Variants in WWOX observed in about 807,000 individuals in gnomAD.
The protein encoded by WWOX is WW domain-containing oxidoreductase.
Under a neutral mutation model 46.2 loss-of-function variants are expected in WWOX, and 69 were observed. The observed-to-expected ratio is 1.49, with a 90% CI of 1.23 to 1.82. The LOEUF (loss-of-function observed/expected upper bound fraction) is 1.82, where lower values mean the gene tolerates loss of function less well. Ranked by LOEUF, WWOX falls within the 40% of genes most tolerant of loss-of-function variation. The pLI, the probability that WWOX is intolerant of heterozygous loss-of-function variation, is 0.00. For synonymous variants in WWOX, 359 were observed against 202.6 expected, an observed-to-expected ratio of 1.77 and a Z score of -6.56; for missense variants, 919 against 542.6, an observed-to-expected ratio of 1.69 and a Z score of -6.89.
At chr16:78,524,256 A>G (rs956790478) in intron 8 of WWOX, among the ~76,000 whole-genome samples, 3 of 152,198 alleles carry the variant, frequency 2.0e-5, no homozygotes, top group African/African-American at 7.2e-5. Flanking sequence ...GACTAATATT[A>G]GAAGCAGACA....
intron 8 of WWOX, chr16:78,551,674 C>T (rs750209575): frequency 2.9e-5 from 4 of 137,884 alleles, no homozygotes; most frequent in Non-Finnish European, 4.7e-5. Flanking sequence ...CGCCCCGTTT[C>T]TCAGATCACA....
intron 8 of WWOX, among the ~76,000 whole-genome samples, chr16:79,167,213 A>G (rs1390027923): frequency 1.3e-5 from 2 of 152,226 alleles, no homozygotes; most frequent in African/African-American, 2.4e-5. Context: ...AAATGCTGGG[A>G]TAACAGGCAT....
chr16:78,541,365 T>G (rs958230827), intron 8 of WWOX, among the ~76,000 whole-genome samples: 6 of 147,220 alleles, frequency 4.1e-5, no homozygotes, highest in Non-Finnish European at 9.0e-5. Flanking sequence ...TCCCAGCTAC[T>G]TGGGAGGCTG....
chr16:78,529,677 C>G (rs531164890), intron 8 of WWOX, among the ~76,000 whole-genome samples: 7 of 151,950 alleles, frequency 4.6e-5, no homozygotes, highest in Admixed American at 1.3e-4. Context: ...CCGTGTTAGG[C>G]AGGATGGTCT....
chr16:78,881,281 G>A (rs779564522), intron 8 of WWOX, among the ~76,000 whole-genome samples: 3 of 152,186 alleles, frequency 2.0e-5, no homozygotes, highest in Non-Finnish European at 4.4e-5. Flanking sequence ...TAGGGTTACA[G>A]GCATGAGCCA....
At chr16:78,549,959 G>C (rs2044136459) in intron 8 of WWOX, among the ~76,000 whole-genome samples, 1 of 151,914 alleles carries the variant, frequency 6.6e-6, no homozygotes, top group Non-Finnish European at 1.5e-5. Context: ...CAGGAGAGGA[G>C]GACTGAAAAT....
chr16:78,175,342 C>A (rs1046040156), intron 5 of WWOX, among the ~76,000 whole-genome samples: 15 of 152,202 alleles, frequency 9.9e-5, no homozygotes, highest in Non-Finnish European at 1.6e-4. Flanking sequence ...GTTTTAAAGT[C>A]TGTCCACAAA....
At chr16:78,914,285 A>G (rs963609320) in intron 8 of WWOX, among the ~76,000 whole-genome samples, 2 of 151,998 alleles carry the variant, frequency 1.3e-5, no homozygotes, top group Non-Finnish European at 2.9e-5. Flanking sequence ...CCCATGAACT[A>G]TTAGCTGCCA....
At chr16:79,156,507 A>C (rs1453586972) in intron 8 of WWOX, among the ~76,000 whole-genome samples, 2 of 152,202 alleles carry the variant, frequency 1.3e-5, no homozygotes, top group African/African-American at 2.4e-5. Flanking sequence ...GGTGGGTTCA[A>C]ATTTGCCACA....
intron 8 of WWOX, among the ~76,000 whole-genome samples, chr16:78,745,040 G>C (rs546003956): frequency 6.6e-6 from 1 of 152,252 alleles, no homozygotes; most frequent in African/African-American, 2.4e-5. Context: ...GTTGGCCAGT[G>C]ACGCCTGCCA....
At chr16:78,150,608 C>G (rs767566777) in intron 4 of WWOX, among the ~76,000 whole-genome samples, 1 of 151,764 alleles carries the variant, frequency 6.6e-6, no homozygotes, top group African/African-American at 2.4e-5. Context: ...GTCTTGAACT[C>G]CTCAGCTCAA....
chr16:78,218,334 C>T (rs375130529), intron 5 of WWOX, among the ~76,000 whole-genome samples: 9 of 152,228 alleles, frequency 5.9e-5, no homozygotes, highest in Admixed American at 2.0e-4. Context: ...AAGCAGTCCT[C>T]CTCCAGCCTC....
At chr16:79,153,062 G>T (rs1456713973) in intron 8 of WWOX, among the ~76,000 whole-genome samples, 5 of 152,172 alleles carry the variant, frequency 3.3e-5, no homozygotes, top group African/African-American at 9.7e-5. Flanking sequence ...CGGAGGCCTG[G>T]TTTCTGTGAA....
intron 8 of WWOX, among the ~76,000 whole-genome samples, chr16:78,941,856 G>T (rs1163778049): frequency 6.6e-6 from 1 of 152,068 alleles, no homozygotes; most frequent in Non-Finnish European, 1.5e-5. Context: ...TTGTAATCAT[G>T]GTGGTTCTTT....
intron 5 of WWOX, among the ~76,000 whole-genome samples, chr16:78,365,798 C>G (rs1162248040): frequency 1.3e-5 from 2 of 152,132 alleles, no homozygotes; most frequent in Non-Finnish European, 2.9e-5. Flanking sequence ...TATGGCTCCC[C>G]CCACCAAATT....
chr16:78,909,265 A>T (rs2045047005), intron 8 of WWOX, among the ~76,000 whole-genome samples: 1 of 152,226 alleles, frequency 6.6e-6, no homozygotes, highest in Non-Finnish European at 1.5e-5. Context: ...TGTACAGTCA[A>T]CATTAAGAGA....
chr16:78,912,507 C>T (rs919595364), intron 8 of WWOX, among the ~76,000 whole-genome samples: 1 of 151,824 alleles, frequency 6.6e-6, no homozygotes, highest in East Asian at 1.9e-4. Flanking sequence ...TGCTGGTGAT[C>T]AAGAAATGCC....
At chr16:79,122,206 G>A (rs1463166979) in intron 8 of WWOX, among the ~76,000 whole-genome samples, 1 of 152,082 alleles carries the variant, frequency 6.6e-6, no homozygotes, top group Non-Finnish European at 1.5e-5. Context: ...TACCGCCTCT[G>A]GGCACAATTA....
intron 8 of WWOX, chr16:79,204,267 C>T (rs752112380): frequency 2.0e-5 from 3 of 152,092 alleles, no homozygotes; most frequent in Admixed American, 6.6e-5. Context: ...TCAACAATAC[C>T]TTCTCTTAGT....
Sources: gnomAD v4.1 joint callset for allele counts (sites outside exome capture counted in the v4.1 genomes callset) on GRCh38, gnomAD v4.1.1 for gene constraint, MANE v1.5 for transcripts, NCBI Gene and HGNC (gene_info 2026-07-23, HGNC 2026-07-21) for gene names.